Variants in ARID1B observed in about 807,000 individuals in gnomAD.
ARID1B encodes the protein AT-rich interaction domain 1B.
In ARID1B, 30 loss-of-function variants were observed where a neutral mutation model predicts 212.3. That is an observed-to-expected ratio of 0.14 (90% CI 0.11 to 0.19). The LOEUF (loss-of-function observed/expected upper bound fraction) is 0.19, where lower values mean the gene tolerates loss of function less well. ARID1B is among the 10% of genes least tolerant of loss of function. The pLI is 1.00. For synonymous variants in ARID1B, 1,402 were observed against 1,301.7 expected (o/e 1.08, Z -1.66); for missense variants, 2,891 against 3,204.0 (o/e 0.90, Z 2.36).
In ARID1B at chr6:157,046,114, G is replaced by A. The variant is rs374934724; in HGVS notation, c.2248-38548G>A. ...CTTTATTTTTATTTAGAAATGATTT[G>A]GGGGAAATACTTTATGTATATTTAC... On this transcript the variant is annotated intron_variant, in intron 4 of 19. Transcript: ENST00000636930. 4.5e-4 allele frequency among the ~76,000 whole-genome samples: 68 copies of A among 152,178 alleles called. No homozygotes were observed. In the South Asian group the frequency reaches 0.012, roughly 28 times the overall value.
At chr6:156,835,523 A>G (rs1414928267) in intron 2 of ARID1B, among the ~76,000 whole-genome samples, 7 of 152,114 alleles carry the variant, frequency 4.6e-5, no homozygotes, top group Non-Finnish European at 8.8e-5. Flanking sequence ...TTATATTAGG[A>G]TGTTTATATT....
intron 4 of ARID1B, among the ~76,000 whole-genome samples, chr6:156,978,960 T>C (rs1044846646): frequency 5.3e-5 from 8 of 152,252 alleles, no homozygotes; most frequent in African/African-American, 1.7e-4. Context: ...CATTTACATT[T>C]TTTCAGTTAA....
At chr6:157,143,500 T>C (rs1789518288) in intron 7 of ARID1B, among the ~76,000 whole-genome samples, 1 of 151,750 alleles carries the variant, frequency 6.6e-6, no homozygotes, top group African/African-American at 2.4e-5. Flanking sequence ...GGGGGTGATG[T>C]TAGTGATGTT....
intron 7 of ARID1B, among the ~76,000 whole-genome samples, chr6:157,146,248 A>G (rs1299280949): frequency 6.6e-6 from 1 of 152,220 alleles, no homozygotes; most frequent in Non-Finnish European, 1.5e-5. Flanking sequence ...CAATTTTGAT[A>G]CTTTACATCC....
intron 7 of ARID1B, among the ~76,000 whole-genome samples, chr6:157,138,243 A>G (rs377758459): frequency 1.2e-4 from 15 of 124,666 alleles, no homozygotes; most frequent in African/African-American, 2.9e-4. Context: ...TTGGTTGGTT[A>G]GTTGGTTGTT....
chr6:157,183,874 A>T (rs565948514), intron 12 of ARID1B, among the ~76,000 whole-genome samples: 1 of 152,296 alleles, frequency 6.6e-6, no homozygotes, highest in African/African-American at 2.4e-5. Context: ...TGGAATGAGC[A>T]CTTTCACATC....
rs143943740 is a variant in ARID1B at position 157,190,906 on chromosome 6, A to G, written c.4231+696A>G. Among the ~76,000 whole-genome samples the G allele has an allele frequency of 6.1e-4, 87 of 141,678 alleles. 1 individual carries two copies. The East Asian group carries it at 0.016, about 26-fold the overall frequency. 92.9% of individuals were successfully genotyped at this position (141,678 alleles called of 152,430 possible). On this transcript the variant is annotated intron_variant, in intron 15 of 19. Transcript: ENST00000636930. The surrounding 1 kb of genome is among the most constrained non-coding windows in gnomAD (Gnocchi z 4.6). ...GAGGGAAGGGCCCTGAGGACCTGTCATGGGGGTGGTGGTGGGAATGAGCTT... is the reference window on the plus strand; with the variant it reads ...GAGGGAAGGGCCCTGAGGACCTGTCGTGGGGGTGGTGGTGGGAATGAGCTT...
At position 156,959,783 on chromosome 6, in the gene ARID1B, T is replaced by A. The variant is rs562822910; in HGVS notation, c.2247+24207T>A. Among the ~76,000 whole-genome samples the A allele has an allele frequency of 3.3e-5, 5 of 152,206 alleles. No homozygotes were observed. In the South Asian group the frequency reaches 1.0e-3, roughly 32 times the overall value. On this transcript the variant is annotated intron_variant, in intron 4 of 19. Transcript: ENST00000636930. ...CTCCCGGGTAAGTAAATAAAAAATA[T>A]GTCCACCATCCCCTGCTGCCTTTCG...
At chr6:157,016,318 C>T (rs892597362) in intron 4 of ARID1B, among the ~76,000 whole-genome samples, 55 of 152,098 alleles carry the variant, frequency 3.6e-4, no homozygotes, top group Non-Finnish European at 1.0e-4. Context: ...ATCGCCACCC[C>T]CCACCCCAAA....
At chr6:157,132,859 C>T (rs1264686442) in intron 6 of ARID1B, among the ~76,000 whole-genome samples, 169 bp from the exon 7 acceptor site, 1 of 152,152 alleles carries the variant, frequency 6.6e-6, no homozygotes, top group African/African-American at 2.4e-5. Context: ...ACCAGGGCAC[C>T]CTCCAGACCG....
Position 157,181,217 on chromosome 6 carries a change from T to G in ARID1B, c.3714+39T>G, listed in dbSNP as rs777459749. 1.3e-5 allele frequency: 21 copies of G among 1,603,562 alleles called. No individual in the cohort carries two copies. In the African/African-American group the frequency reaches 2.7e-4, roughly 20 times the overall value. ...AGGGAGGGGGTGAAAAAGGAAGCAT[T>G]GTGGATAAGTTCTTACAGTGGCTTT... On this transcript the variant is annotated intron_variant, in intron 12 of 19. Transcript: ENST00000636930.
At chr6:156,830,119 T>G (rs912994251) in intron 2 of ARID1B, among the ~76,000 whole-genome samples, 7 of 152,204 alleles carry the variant, frequency 4.6e-5, no homozygotes, top group Non-Finnish European at 8.8e-5. Context: ...GTCTTTTGGA[T>G]ACTTGAAAGA....
chr6:156,894,599 C>T (rs548371238), intron 2 of ARID1B, among the ~76,000 whole-genome samples: 1 of 152,276 alleles, frequency 6.6e-6, no homozygotes, highest in South Asian at 2.1e-4. Flanking sequence ...TTTCACCACA[C>T]TTGAATACGT....
intron 4 of ARID1B, among the ~76,000 whole-genome samples, chr6:157,063,514 A>G (rs1783484796): frequency 6.6e-6 from 1 of 152,108 alleles, no homozygotes; most frequent in Admixed American, 6.5e-5. Context: ...TAGTTGTGCT[A>G]TTACTTGACT....
At chr6:156,814,668 T>A (rs1781837436) in intron 1 of ARID1B, among the ~76,000 whole-genome samples, 1 of 152,144 alleles carries the variant, frequency 6.6e-6, no homozygotes, top group Non-Finnish European at 1.5e-5. Flanking sequence ...GTCCCAAGAT[T>A]TAGGGACCTG....
intron 4 of ARID1B, among the ~76,000 whole-genome samples, chr6:156,944,925 CTT>C (rs543626936): frequency 1.6e-4 from 21 of 135,340 alleles, no homozygotes; most frequent in Non-Finnish European, 2.4e-4. Flanking sequence ...TTTTCTTTTC[CTT>C]TTTTTTTTTT....
At chr6:157,097,317 T>A (rs992216709) in intron 5 of ARID1B, among the ~76,000 whole-genome samples, 3 of 152,204 alleles carry the variant, frequency 2.0e-5, no homozygotes, top group African/African-American at 7.2e-5. Context: ...ACTTTATACA[T>A]TCTGTGTTAT....
At chr6:157,083,704 C>T (rs1278047756) in intron 4 of ARID1B, among the ~76,000 whole-genome samples, 5 of 152,108 alleles carry the variant, frequency 3.3e-5, no homozygotes, top group South Asian at 2.1e-4. Flanking sequence ...ATGGCATTGA[C>T]GGTGAAAAAC....
intron 1 of ARID1B, among the ~76,000 whole-genome samples, chr6:156,815,868 T>G (rs879646048): frequency 1.3e-5 from 2 of 152,198 alleles, no homozygotes; most frequent in Non-Finnish European, 2.9e-5. Context: ...ATGGAATGCA[T>G]TTTTACATTT....
Sources: gnomAD v4.1 joint callset for allele counts (sites outside exome capture counted in the v4.1 genomes callset) on GRCh38, gnomAD v4.1.1 for gene constraint, Gnocchi (gnomAD v3.1) non-coding constraint, MANE v1.5 for transcripts, NCBI Gene and HGNC (gene_info 2026-07-23, HGNC 2026-07-21) for gene names.